NHS: variants seen among roughly 807,000 people sequenced by gnomAD.
The protein encoded by NHS is actin remodeling regulator NHS.
A neutral mutation model predicts 72.5 loss-of-function variants in NHS; 5 were observed. That is an observed-to-expected ratio of 0.07 (90% CI 0.04 to 0.14). The LOEUF (loss-of-function observed/expected upper bound fraction) is 0.14. Among genes scored for constraint, NHS ranks in the 10% least tolerant of loss-of-function variants. The probability of loss-of-function intolerance (pLI) is 1.00; values close to 1 mark genes in which losing one functional copy is unlikely to be tolerated. For missense variants in NHS, 1,072 were observed against 1,355.7 expected (o/e 0.79, Z 3.29); for synonymous variants, 464 against 547.7 (o/e 0.85, Z 2.13).
intron 1 of NHS, among the ~76,000 whole-genome samples, chrX:17,655,017 GT>G (rs1250889017): frequency 8.9e-6 from 1 of 112,284 alleles, no homozygotes; most frequent in African/African-American, 3.2e-5. Flanking sequence ...TCCTTGCAGT[GT>G]TTTTCAGCCT....
At chrX:17,560,736 C>G (rs1201001216) in intron 1 of NHS, among the ~76,000 whole-genome samples, 1 of 112,559 alleles carries the variant, frequency 8.9e-6, no homozygotes, top group Non-Finnish European at 1.9e-5. Context: ...CGAATGCTCC[C>G]TTATTTTCTC....
chrX:17,544,634 T>C lies in NHS; in HGVS notation c.566-143108T>C, dbSNP rs192523448. On this transcript the variant is annotated intron_variant, in intron 1 of 8. Transcript: ENST00000676302. ...TCAAGCGAATCTCCCTGCCTCAGCCTCCTGAGTAGCTGGGATTACAGGCAC... is the reference window on the plus strand; with the variant it reads ...TCAAGCGAATCTCCCTGCCTCAGCCCCCTGAGTAGCTGGGATTACAGGCAC... Among the ~76,000 whole-genome samples, 1,071 of 111,755 alleles carry C rather than the reference T, an allele frequency of 9.6e-3. 10 individuals are homozygous for C. The highest frequency in any genetic ancestry group is 0.033 in the African/African-American group (1,007 of 30,728).
intron 1 of NHS, among the ~76,000 whole-genome samples, chrX:17,499,544 G>A (rs922998063): frequency 9.1e-6 from 1 of 110,396 alleles, no homozygotes; most frequent in African/African-American, 3.3e-5. Flanking sequence ...TTGGGTTCCC[G>A]AGAGACAGCA....
intron 1 of NHS, among the ~76,000 whole-genome samples, chrX:17,656,362 C>T (rs767475696): frequency 1.8e-5 from 2 of 113,292 alleles, no homozygotes; most frequent in East Asian, 5.6e-4. Context: ...CCAGGCCATG[C>T]GGGTGTGTGA....
intron 1 of NHS, among the ~76,000 whole-genome samples, chrX:17,585,264 C>A (rs1016186671): frequency 8.9e-6 from 1 of 112,343 alleles, no homozygotes; most frequent in Non-Finnish European, 1.9e-5. Context: ...AAAAGTGAGA[C>A]AATATTAGCA....
intron 1 of NHS, among the ~76,000 whole-genome samples, chrX:17,434,422 A>ACATT (rs1357469027): frequency 1.8e-5 from 2 of 109,688 alleles, no homozygotes; most frequent in African/African-American, 6.7e-5. Context: ...GACACCAAGC[A>ACATT]CATTCATTCA....
chrX:17,612,721 C>G (rs2065717191), intron 1 of NHS, among the ~76,000 whole-genome samples: 1 of 111,806 alleles, frequency 8.9e-6, no homozygotes, highest in Non-Finnish European at 1.9e-5. Flanking sequence ...ATCTGGTCCA[C>G]TGTTTCCCAT....
intron 1 of NHS, among the ~76,000 whole-genome samples, chrX:17,588,614 C>T (rs1404587517): frequency 9.1e-6 from 1 of 109,706 alleles, no homozygotes; most frequent in Non-Finnish European, 1.9e-5. Context: ...GCCCTTTTTC[C>T]CCATTTTTTG....
At chrX:17,662,309 A>G (rs1490697458) in intron 1 of NHS, among the ~76,000 whole-genome samples, 4 of 111,792 alleles carry the variant, frequency 3.6e-5, no homozygotes, top group African/African-American at 1.3e-4. Context: ...AGTCACAAGT[A>G]AGTCTGATGC....
chrX:17,493,441 AT>A (rs1172744890), intron 1 of NHS, among the ~76,000 whole-genome samples: 1 of 111,793 alleles, frequency 8.9e-6, no homozygotes, highest in African/African-American at 3.3e-5. Flanking sequence ...TCATTTCCAC[AT>A]CTATTTTCAG....
At chrX:17,607,919 CTTTT>C (rs749347077) in intron 1 of NHS, among the ~76,000 whole-genome samples, 1 of 92,261 alleles carries the variant, frequency 1.1e-5, no homozygotes, top group Non-Finnish European at 2.1e-5. Context: ...CTTTTCTTTT[CTTTT>C]TTTTTTTTTT....
intron 1 of NHS, among the ~76,000 whole-genome samples, chrX:17,612,801 C>G (rs1357016503): frequency 8.1e-5 from 9 of 110,549 alleles, no homozygotes; most frequent in Non-Finnish European, 1.5e-4. Flanking sequence ...GTTCTGGCTT[C>G]TACAGCAGGA....
Position 17,649,067 on chromosome X carries a change from C to T in NHS, c.566-38675C>T, listed in dbSNP as rs1431430539. On this transcript the variant is annotated intron_variant, in intron 1 of 8. Coordinates refer to ENST00000676302, the MANE Select transcript of NHS (RefSeq NM_001291867.2). ...GTGATTCTTTCATTCAGAATCAAAG[C>T]TGTCCCACCCCTTTCCCTTCCAGAT... Among the ~76,000 whole-genome samples, 4 of 111,940 alleles carry T rather than the reference C, an allele frequency of 3.6e-5. No individual in the cohort carries two copies. The East Asian group carries it at 1.1e-3, about 31-fold the overall frequency.
At chrX:17,505,416 AC>A (rs371341345) in intron 1 of NHS, among the ~76,000 whole-genome samples, 1 of 111,079 alleles carries the variant, frequency 9.0e-6, no homozygotes, top group African/African-American at 3.3e-5. Context: ...TTGTGTTTTT[AC>A]CCTGTGTGTA....
At chrX:17,539,523 G>A (rs1304179801) in intron 1 of NHS, among the ~76,000 whole-genome samples, 7 of 109,987 alleles carry the variant, frequency 6.4e-5, no homozygotes, top group Middle Eastern at 4.6e-3. Flanking sequence ...CAAAATTATC[G>A]AATGAATGAT....
intron 1 of NHS, among the ~76,000 whole-genome samples, chrX:17,476,528 G>C (rs1404051031): frequency 9.0e-6 from 1 of 111,365 alleles, no homozygotes; most frequent in Non-Finnish European, 1.9e-5. Context: ...CTTGGATTTG[G>C]TTCCCCCAGA....
At chrX:17,580,054 A>G (rs1372207052) in intron 1 of NHS, among the ~76,000 whole-genome samples, 1 of 110,584 alleles carries the variant, frequency 9.0e-6, no homozygotes, top group Non-Finnish European at 1.9e-5. Flanking sequence ...AATTACCCAA[A>G]TCATGCACCT....
chrX:17,423,678 C>A (rs1164001446), intron 1 of NHS, among the ~76,000 whole-genome samples: 2 of 111,904 alleles, frequency 1.8e-5, no homozygotes, highest in African/African-American at 6.5e-5. Flanking sequence ...CAAAATATTC[C>A]ATTTCTCCAT....
Position 17,732,581 on chromosome X carries a change from C to T in NHS, c.*117C>T. Reference sequence around the variant, plus strand: ...TTGATGGGGTAGCATCACTGCTAAGCAATGAATGAATTTCTAAATACAGTA... The same window carrying T: ...TTGATGGGGTAGCATCACTGCTAAGTAATGAATGAATTTCTAAATACAGTA... On this transcript the variant is annotated 3_prime_UTR_variant, in exon 9 of 9. Coordinates refer to ENST00000676302, the MANE Select transcript of NHS (RefSeq NM_001291867.2). 9.6e-7 allele frequency: 1 copy of T among 1,046,755 alleles called. No individual in the cohort carries two copies. The highest frequency in any genetic ancestry group is 1.9e-5 in the South Asian group (1 of 51,846). The allele number at this position is 1,046,755 out of a possible 1,213,427, so 86.3% of individuals were successfully genotyped here. A position where few individuals can be genotyped will look rare whatever the true frequency, so the allele number is the denominator to read the frequency against.
Sources: allele counts gnomAD v4.1 joint callset (sites outside exome capture counted in the v4.1 genomes callset), GRCh38; gene constraint gnomAD v4.1.1; transcripts MANE v1.5; gene names NCBI Gene and HGNC (gene_info 2026-07-23, HGNC 2026-07-21).